Variants in MBOAT2 observed in about 807,000 individuals in gnomAD.
The protein encoded by MBOAT2 is membrane bound glycerophospholipid O-acyltransferase 2.
MBOAT2 carries 28 observed loss-of-function variants against 63.4 expected under a neutral mutation model. The observed-to-expected ratio is 0.44, with a 90% CI of 0.33 to 0.61. The LOEUF is 0.61. Ranked by LOEUF, MBOAT2 falls within the 20% of genes least tolerant of loss-of-function variation. The pLI is 0.03. For synonymous variants in MBOAT2, 211 were observed against 215.6 expected (o/e 0.98, Z 0.19); for missense variants, 470 against 605.8 (o/e 0.78, Z 2.35).
At chr2:8,886,162 A>G (rs746127228) in intron 5 of MBOAT2, among the ~76,000 whole-genome samples, 2 of 152,184 alleles carry the variant, frequency 1.3e-5, no homozygotes, top group South Asian at 2.1e-4. Context: ...CTGAGCGTCT[A>G]AAGAGCTTCC....
intron 5 of MBOAT2, among the ~76,000 whole-genome samples, chr2:8,883,682 C>A (rs1248739368): frequency 6.6e-6 from 1 of 152,076 alleles, no homozygotes; most frequent in African/African-American, 2.4e-5. Flanking sequence ...TGCTGTAAAC[C>A]AGTATAGCAA....
chr2:8,910,673 A>G (rs994631033), intron 3 of MBOAT2, among the ~76,000 whole-genome samples: 2 of 152,222 alleles, frequency 1.3e-5, no homozygotes, highest in African/African-American at 4.8e-5. Context: ...GTTGTCACAC[A>G]GCACCCCAAC....
chr2:8,957,810 CTGTTT>C (rs1278301800), intron 2 of MBOAT2, among the ~76,000 whole-genome samples: 1 of 152,166 alleles, frequency 6.6e-6, no homozygotes, highest in Admixed American at 6.5e-5. Context: ...AGAGTTTCTG[CTGTTT>C]TGCCAAGACA....
intron 3 of MBOAT2, among the ~76,000 whole-genome samples, chr2:8,932,068 C>A (rs1667358613): frequency 6.6e-6 from 1 of 152,208 alleles, no homozygotes; most frequent in South Asian, 2.1e-4. Flanking sequence ...TTAGCTATTG[C>A]CTCTGTTACC....
At chr2:8,914,265 T>G (rs1214897156) in intron 3 of MBOAT2, among the ~76,000 whole-genome samples, 1 of 152,156 alleles carries the variant, frequency 6.6e-6, no homozygotes, top group Non-Finnish European at 1.5e-5. Context: ...GTATCATGAC[T>G]GTAGCCAGTA....
chr2:8,974,013 T>C (rs888512129), intron 1 of MBOAT2, among the ~76,000 whole-genome samples: 5 of 152,126 alleles, frequency 3.3e-5, no homozygotes, highest in African/African-American at 7.2e-5. Context: ...ATGAAGTGAA[T>C]GGAATGAATG....
At chr2:8,869,235 TG>T (rs1313221527) in intron 8 of MBOAT2, among the ~76,000 whole-genome samples, 1 of 146,280 alleles carries the variant, frequency 6.8e-6, no homozygotes, top group Admixed American at 7.0e-5. Context: ...TTTGTAGAGA[TG>T]GGGGTCCCAC....
intron 9 of MBOAT2, among the ~76,000 whole-genome samples, chr2:8,867,224 C>CATGG (rs1257059717): frequency 9.5e-4 from 144 of 152,178 alleles, no homozygotes; most frequent in African/African-American, 3.3e-3. Flanking sequence ...GCCATGTTGC[C>CATGG]CAGGCTGGTC....
chr2:8,908,423 G>C, intron 4 of MBOAT2, 198 bp downstream of exon 4: 1 of 449,190 alleles, frequency 2.2e-6, no homozygotes, highest in African/African-American at 2.1e-5. Flanking sequence ...GGAAGAAGCA[G>C]AACAAGGCTC....
intron 1 of MBOAT2, among the ~76,000 whole-genome samples, chr2:8,987,563 C>G (rs971716535): frequency 1.3e-5 from 2 of 152,196 alleles, no homozygotes; most frequent in Non-Finnish European, 1.5e-5. Context: ...GCTCTGGAAT[C>G]TGGAATTTGG....
At chr2:8,990,171 C>A (rs1213235903) in intron 1 of MBOAT2, among the ~76,000 whole-genome samples, 3 of 152,208 alleles carry the variant, frequency 2.0e-5, no homozygotes, top group Admixed American at 6.5e-5. Flanking sequence ...ACTGAATGAG[C>A]TAGGCTGTCC....
At chr2:8,975,114 ACT>A (rs1012911511) in intron 1 of MBOAT2, among the ~76,000 whole-genome samples, 14 of 151,928 alleles carry the variant, frequency 9.2e-5, no homozygotes, top group African/African-American at 3.4e-4. Context: ...AAAGAATAAC[ACT>A]CTGCACAAAA....
intron 2 of MBOAT2, among the ~76,000 whole-genome samples, chr2:8,950,744 G>A (rs1038850962): frequency 2.6e-5 from 4 of 152,096 alleles, no homozygotes; most frequent in African/African-American, 9.7e-5. Context: ...TCCAGTTTTT[G>A]CCCATTCAGT....
chr2:8,919,214 T>C (rs1179856882), intron 3 of MBOAT2, among the ~76,000 whole-genome samples: 1 of 152,246 alleles, frequency 6.6e-6, no homozygotes, highest in East Asian at 1.9e-4. Context: ...CTACTCTATG[T>C]GGACATACGT....
At chr2:8,983,332 G>T (rs1291048242) in intron 1 of MBOAT2, among the ~76,000 whole-genome samples, 1 of 151,960 alleles carries the variant, frequency 6.6e-6, no homozygotes, top group Non-Finnish European at 1.5e-5. Flanking sequence ...TTCCATACTC[G>T]AACTACTATA....
intron 3 of MBOAT2, among the ~76,000 whole-genome samples, chr2:8,914,139 A>C (rs567333319): frequency 6.6e-6 from 1 of 152,326 alleles, no homozygotes; most frequent in Non-Finnish European, 1.5e-5. Context: ...AGGCATCAGA[A>C]TGATACAATG....
chr2:8,922,334 G>A (rs1666636146), intron 3 of MBOAT2, among the ~76,000 whole-genome samples: 1 of 152,034 alleles, frequency 6.6e-6, no homozygotes, highest in Non-Finnish European at 1.5e-5. Flanking sequence ...CCAACATGTG[G>A]GTCCGTTTAG....
intron 1 of MBOAT2, among the ~76,000 whole-genome samples, chr2:8,998,919 G>A (rs1044871469): frequency 7.2e-5 from 11 of 152,056 alleles, no homozygotes; most frequent in Admixed American, 3.9e-4. Context: ...ACACACACCC[G>A]TGAAGCTAAA....
chr2:8,868,314 G>T, intron 9 of MBOAT2, 132 bp downstream of exon 9: 1 of 712,918 alleles, frequency 1.4e-6, no homozygotes, highest in Non-Finnish European at 2.4e-6. Context: ...AATATGTATT[G>T]GTTAAATGAA....
Sources: gnomAD v4.1 joint callset for allele counts (sites outside exome capture counted in the v4.1 genomes callset) on GRCh38, gnomAD v4.1.1 for gene constraint, MANE v1.5 for transcripts, NCBI Gene and HGNC (gene_info 2026-07-23, HGNC 2026-07-21) for gene names.